The following RBM47 variants were observed in gnomAD, a reference collection of about 807,000 sequenced individuals.
RBM47 encodes RNA-binding protein 47.
A neutral mutation model predicts 47.1 loss-of-function variants in RBM47; 21 were observed. That is an observed-to-expected ratio of 0.45 (90% CI 0.32 to 0.64). The LOEUF (loss-of-function observed/expected upper bound fraction) is 0.64. Among genes scored for constraint, RBM47 ranks in the 30% least tolerant of loss-of-function variants. RBM47 has a pLI of 0.05. For synonymous variants in RBM47, 375 were observed against 361.7 expected, an observed-to-expected ratio of 1.04 and a Z score of -0.42; for missense variants, 708 against 870.9, an observed-to-expected ratio of 0.81 and a Z score of 2.35.
intron 3 of RBM47, among the ~76,000 whole-genome samples, chr4:40,465,791 T>C (rs1717924734): frequency 6.6e-6 from 1 of 152,210 alleles, no homozygotes; most frequent in South Asian, 2.1e-4. Context: ...GTTGTGGTTC[T>C]TTGGATCATC....
intron 2 of RBM47, among the ~76,000 whole-genome samples, chr4:40,532,971 A>G (rs1359903438): frequency 2.0e-5 from 3 of 152,130 alleles, no homozygotes; most frequent in Non-Finnish European, 4.4e-5. Context: ...GCTGTAGTTC[A>G]TGGGACAGGA....
chr4:40,478,624 C>T (rs897660341), intron 2 of RBM47, among the ~76,000 whole-genome samples: 3 of 152,144 alleles, frequency 2.0e-5, no homozygotes, highest in African/African-American at 7.2e-5. Context: ...GCCACTGTGG[C>T]ATCCTGGTAA....
At chr4:40,485,041 T>A (rs977607034) in intron 2 of RBM47, among the ~76,000 whole-genome samples, 1 of 152,224 alleles carries the variant, frequency 6.6e-6, no homozygotes, top group South Asian at 2.1e-4. Flanking sequence ...GTTAAGACTG[T>A]CTCTTGTAAA....
Position 40,463,406 on chromosome 4 carries a change from C to T in RBM47, c.-32+3171G>A, listed in dbSNP as rs181126691. On this transcript the variant is annotated intron_variant, in intron 3 of 6. Transcript: ENST00000295971. ...GTGAGAATGTGGAGAAACTGGAACCCTTGTGCACTGCTGGTGGGAATGTAT... is the reference window on the plus strand; with the variant it reads ...GTGAGAATGTGGAGAAACTGGAACCTTTGTGCACTGCTGGTGGGAATGTAT... Among the ~76,000 whole-genome samples the T allele has an allele frequency of 2.1e-3, 314 of 152,258 alleles. 1 individual carries two copies. Among genetic ancestry groups the T allele is most frequent in the Admixed American group, 2.6e-3 (40 of 15,282 alleles).
At chr4:40,464,090 C>T (rs545230696) in intron 3 of RBM47, among the ~76,000 whole-genome samples, 1 of 152,146 alleles carries the variant, frequency 6.6e-6, no homozygotes, top group South Asian at 2.1e-4. Flanking sequence ...ATTTATAATA[C>T]AATGCAATGA....
At chr4:40,455,723 C>T (rs1366542480) in intron 3 of RBM47, 2 of 152,140 alleles carry the variant, frequency 1.3e-5, no homozygotes, top group Non-Finnish European at 2.9e-5. Flanking sequence ...GCACTCCGGT[C>T]TGAGCAACAG....
chr4:40,549,579 G>A (rs1242776130), intron 1 of RBM47, among the ~76,000 whole-genome samples: 7 of 146,164 alleles, frequency 4.8e-5, no homozygotes, highest in Non-Finnish European at 1.0e-4. Flanking sequence ...CTGGAGTACA[G>A]TGGCATGATC....
chr4:40,442,187 G>A (rs1713752827), intron 3 of RBM47, among the ~76,000 whole-genome samples: 1 of 152,172 alleles, frequency 6.6e-6, no homozygotes. Context: ...TGGAGGAGAC[G>A]AATCAATGCA....
intron 1 of RBM47, among the ~76,000 whole-genome samples, chr4:40,553,753 C>A (rs1408995032): frequency 1.3e-5 from 2 of 152,094 alleles, no homozygotes; most frequent in African/African-American, 2.4e-5. Context: ...AATAAAATAT[C>A]CCCTGGTTGG....
chr4:40,483,283 C>T (rs996449031), intron 2 of RBM47, among the ~76,000 whole-genome samples: 2 of 152,180 alleles, frequency 1.3e-5, no homozygotes, highest in Non-Finnish European at 2.9e-5. Flanking sequence ...GTCACTCAAT[C>T]GTTCAACAAT....
chr4:40,609,930 T>C (rs1736107280), intron 1 of RBM47, among the ~76,000 whole-genome samples: 1 of 151,678 alleles, frequency 6.6e-6, no homozygotes, highest in Non-Finnish European at 1.5e-5. Context: ...CTGTCTCTAC[T>C]AAAAATACAA....
intron 2 of RBM47, among the ~76,000 whole-genome samples, chr4:40,511,500 G>A (rs537246741): frequency 6.6e-6 from 1 of 152,324 alleles, no homozygotes; most frequent in South Asian, 2.1e-4. Context: ...ACGTTTAATA[G>A]CAGCAGAGTC....
chr4:40,590,174 G>A (rs981184191), intron 1 of RBM47, among the ~76,000 whole-genome samples: 3 of 152,128 alleles, frequency 2.0e-5, no homozygotes, highest in South Asian at 2.1e-4. Context: ...AAATCTAGAC[G>A]TGTGCACGCC....
chr4:40,571,832 A>G (rs1283648184), intron 1 of RBM47, among the ~76,000 whole-genome samples: 2 of 151,534 alleles, frequency 1.3e-5, no homozygotes, highest in Non-Finnish European at 3.0e-5. Flanking sequence ...CAGCCTGGCC[A>G]ATATGGTGAA....
chr4:40,478,982 C>T (rs77164342), intron 2 of RBM47, among the ~76,000 whole-genome samples: 4,369 of 152,180 alleles, frequency 0.029, 189 homozygotes, highest in African/African-American at 0.094. Context: ...CATATGTGTG[C>T]GCATAGACAT....
At chr4:40,583,865 AAAAAACAAAAAACAAAAAAC>A (rs1447099565) in intron 1 of RBM47, among the ~76,000 whole-genome samples, 2 of 128,634 alleles carry the variant, frequency 1.6e-5, no homozygotes, top group Non-Finnish European at 1.8e-5. Flanking sequence ...CTCAAAAAAA[AAAAAACAAAAAACAAAAAAC>A]AAAAAAACCA....
rs559174399 is a variant in RBM47 at position 40,500,309 on chromosome 4, G to A, written c.-154-33610C>T. 3.4e-5 allele frequency among the ~76,000 whole-genome samples: 5 copies of A among 148,188 alleles called. No individual in the cohort carries two copies. In the South Asian group the frequency reaches 8.6e-4, roughly 25 times the overall value. On this transcript the variant is annotated intron_variant, in intron 2 of 6. Transcript: ENST00000295971. ...GCCTGGGCGACAAGGGCCAGACTTC[G>A]TCCCCCCCCAAAAAAAAAAGGGCTG...
intron 3 of RBM47, among the ~76,000 whole-genome samples, chr4:40,455,284 G>A (rs1716064055): frequency 6.6e-6 from 1 of 152,172 alleles, no homozygotes; most frequent in South Asian, 2.1e-4. Context: ...TGAGAACATG[G>A]GACTGTGATG....
At chr4:40,604,837 CT>C (rs1356680908) in intron 1 of RBM47, among the ~76,000 whole-genome samples, 1 of 152,154 alleles carries the variant, frequency 6.6e-6, no homozygotes, top group African/African-American at 2.4e-5. Context: ...CTGCCTCAGC[CT>C]CCTGAGTTGC....
Sources: allele counts gnomAD v4.1 joint callset (sites outside exome capture counted in the v4.1 genomes callset), GRCh38; gene constraint gnomAD v4.1.1; transcripts MANE v1.5; gene names NCBI Gene and HGNC (gene_info 2026-07-23, HGNC 2026-07-21).